Variants in PPFIBP2 observed in about 807,000 individuals in gnomAD.
PPFIBP2 encodes the protein PPFIB scaffold protein 2, also known as liprin-beta-2.
In PPFIBP2, 118 loss-of-function variants were observed where a neutral mutation model predicts 118.3. The ratio of observed to expected loss-of-function variants is 1.00; its 90% CI spans 0.86 to 1.16. The LOEUF (loss-of-function observed/expected upper bound fraction) is 1.16, where lower values mean the gene tolerates loss of function less well. Ranked by LOEUF, PPFIBP2 falls within the 50% of genes most tolerant of loss-of-function variation. The pLI is 0.00. For synonymous variants in PPFIBP2, 414 were observed against 397.4 expected (o/e 1.04, Z -0.50); for missense variants, 1,195 against 1,073.1 (o/e 1.11, Z -1.59).
chr11:7,630,005 C>CAG (rs1850543353), intron 10 of PPFIBP2, among the ~76,000 whole-genome samples: 1 of 152,222 alleles, frequency 6.6e-6, no homozygotes, highest in Non-Finnish European at 1.5e-5. Context: ...AGTCACAGGA[C>CAG]AGAGAGAGCT....
intron 2 of PPFIBP2, among the ~76,000 whole-genome samples, chr11:7,554,785 T>TGACTATACTA (rs1554950426): frequency 0.016 from 2,129 of 129,794 alleles, 77 homozygotes; most frequent in African/African-American, 0.062. Context: ...GAATCCCAGG[T>TGACTATACTA]GACTAGACTA....
rs1213073957 is a variant in PPFIBP2 at position 7,565,633 on chromosome 11, C to T, written c.145C>T (p.Pro49Ser). 6.2e-7 allele frequency: 1 copy of T among 1,614,216 alleles called. No individual in the cohort carries two copies. Among genetic ancestry groups the T allele is most frequent in the South Asian group, 1.1e-5 (1 of 91,088 alleles). The stretch of plus-strand genomic sequence containing the variant: ...CCCGGCCTCCTACATGAACCCCTTC[C>T]CGGTGCTCCATCTCATCGAGGACTT... ...ASPASYMNPF[P>S]VLHLIEDLRL... Residue 49 changes from proline (P) to serine (S), a missense_variant, in exon 3 of 24, where the codon CCG (proline) becomes TCG (serine). Physicochemically the swap from Pro to Ser is moderately conservative, Grantham distance 74. Coordinates refer to ENST00000299492, the MANE Select transcript of PPFIBP2 (RefSeq NM_003621.5).
downstream of PPFIBP2, among the ~76,000 whole-genome samples, chr11:7,654,756 G>A (rs901988268): frequency 6.6e-6 from 1 of 152,202 alleles, no homozygotes; most frequent in African/African-American, 2.4e-5. Context: ...ATCTCTGCAT[G>A]TGCCTGTTTT....
chr11:7,562,397 TCCC>T lies in PPFIBP2; in HGVS notation c.65-3153_65-3151del, dbSNP rs527507918. 2.2e-4 allele frequency among the ~76,000 whole-genome samples: 33 copies of T among 152,320 alleles called. 1 individual carries two copies. In the South Asian group the frequency reaches 6.8e-3, roughly 32 times the overall value. On this transcript the variant is annotated intron_variant, in intron 2 of 23. Coordinates refer to ENST00000299492, the MANE Select transcript of PPFIBP2 (RefSeq NM_003621.5). ...TGTCCTTATAACATGGCAGCAGCCT[TCCC>T]CCAGAGTGAGTGGCCTGATACAATA...
intron 1 of PPFIBP2, among the ~76,000 whole-genome samples, chr11:7,518,936 G>A (rs963410578): frequency 2.6e-5 from 4 of 152,192 alleles, no homozygotes; most frequent in African/African-American, 9.7e-5. Flanking sequence ...GGGGAAAGGG[G>A]GTTTGAGTTG....
At chr11:7,565,479 C>T in intron 2 of PPFIBP2, 74 bp from the exon 3 acceptor site, 1 of 1,486,772 alleles carries the variant, frequency 6.7e-7, no homozygotes. Context: ...TTCTTCACCA[C>T]CTTTGCTCTT....
intron 1 of PPFIBP2, among the ~76,000 whole-genome samples, chr11:7,526,383 T>C (rs993183538): frequency 1.3e-5 from 2 of 152,178 alleles, no homozygotes; most frequent in African/African-American, 4.8e-5. Flanking sequence ...CCAGCTTAGC[T>C]AGACTCTTCC....
chr11:7,655,049 T>G (rs1353344534), downstream of PPFIBP2, among the ~76,000 whole-genome samples: 3 of 152,180 alleles, frequency 2.0e-5, no homozygotes, highest in Non-Finnish European at 4.4e-5. Flanking sequence ...TCCTGTTGCC[T>G]GGTAGCAGGA....
At chr11:7,650,230 C>T (rs1262606657) in intron 21 of PPFIBP2, among the ~76,000 whole-genome samples, 1 of 152,218 alleles carries the variant, frequency 6.6e-6, no homozygotes, top group East Asian at 1.9e-4. Context: ...TTGTCAGTCA[C>T]ATCCTATCTC....
At chr11:7,625,696 G>C in intron 7 of PPFIBP2, 81 bp from the exon 8 acceptor site, 1 of 1,112,056 alleles carries the variant, frequency 9.0e-7, no homozygotes. Flanking sequence ...TGCCTGATGG[G>C]GTCTGGACTC....
intron 1 of PPFIBP2, among the ~76,000 whole-genome samples, chr11:7,546,888 T>C (rs536906139): frequency 6.6e-6 from 1 of 152,344 alleles, no homozygotes; most frequent in East Asian, 1.9e-4. Context: ...AATTATTTGT[T>C]CATACTTCCG....
At chr11:7,601,322 G>A (rs1419774961) in intron 5 of PPFIBP2, among the ~76,000 whole-genome samples, 1 of 152,180 alleles carries the variant, frequency 6.6e-6, no homozygotes, top group Non-Finnish European at 1.5e-5. Flanking sequence ...GGGTTAGACA[G>A]GCAAATCAGA....
intron 3 of PPFIBP2, among the ~76,000 whole-genome samples, chr11:7,580,699 G>A (rs1857137904): frequency 1.3e-5 from 2 of 152,126 alleles, no homozygotes; most frequent in African/African-American, 2.4e-5. Flanking sequence ...GTGATCCAAG[G>A]TAAATTATCT....
the PPFIBP2 span, among the ~76,000 whole-genome samples, chr11:7,664,020 C>T: frequency 2.5e-3 from 378 of 152,254 alleles, 1 homozygote; most frequent in African/African-American, 8.5e-3. Context: ...ACACGGTGCG[C>T]GCACCCACTG....
chr11:7,539,078 T>C (rs1165568046), intron 1 of PPFIBP2: 1 of 152,276 alleles, frequency 6.6e-6, no homozygotes, highest in East Asian at 1.9e-4. Flanking sequence ...TATTTTCTCC[T>C]CTTCAGCTTC....
downstream of PPFIBP2, chr11:7,656,873 C>A: frequency 1.8e-6 from 2 of 1,104,810 alleles, no homozygotes; most frequent in Non-Finnish European, 2.4e-6. Flanking sequence ...GGAGCGGGCA[C>A]ACAGCCCCCT....
intron 1 of PPFIBP2, among the ~76,000 whole-genome samples, chr11:7,516,332 A>G (rs1463417422): frequency 2.6e-5 from 4 of 152,016 alleles, no homozygotes; most frequent in African/African-American, 9.7e-5. Context: ...AGGTAGGGAG[A>G]CTTCGGAGAG....
At chr11:7,592,025 C>T (rs1406478601) in intron 3 of PPFIBP2, among the ~76,000 whole-genome samples, 1 of 152,200 alleles carries the variant, frequency 6.6e-6, no homozygotes, top group Non-Finnish European at 1.5e-5. Flanking sequence ...TCACATCTGC[C>T]TCTTTGCACA....
In PPFIBP2 at chr11:7,629,488, G is replaced by A. The variant is rs1030335925; in HGVS notation, c.918G>A (p.Leu306=). The A allele has an allele frequency of 4.3e-6, 7 of 1,614,020 alleles. No individual in the cohort carries two copies. The highest frequency in any genetic ancestry group is 1.3e-5 in the African/African-American group (1 of 74,920). ...GTCGGATAGAGGAGCTTACGGGGCT[G>A]TTAAACCAGTACCGGAAGGTAAAGG... ...KDRRIEELTG[L]LNQYRKVKEI... The change falls in exon 10 of 24, where the codon CTG becomes CTA. Residue 306 remains leucine, a synonymous_variant. Transcript: ENST00000299492.
Sources: gnomAD v4.1 joint callset for allele counts (sites outside exome capture counted in the v4.1 genomes callset) on GRCh38, gnomAD v4.1.1 for gene constraint, MANE v1.5 for transcripts, NCBI Gene and HGNC (gene_info 2026-07-23, HGNC 2026-07-21) for gene names.